The following KAT7 variants were observed in gnomAD, a reference collection of about 807,000 sequenced individuals.
KAT7 encodes histone acetyltransferase KAT7.
In KAT7, 10 loss-of-function variants were observed where a neutral mutation model predicts 82.1. That is an observed-to-expected ratio of 0.12 (90% CI 0.08 to 0.21). The LOEUF is 0.21. Ranked by LOEUF, KAT7 falls within the 10% of genes least tolerant of loss-of-function variation. The pLI is 1.00. For missense variants in KAT7, 378 were observed against 760.9 expected, an observed-to-expected ratio of 0.50 and a Z score of 5.92; for synonymous variants, 250 against 262.5, an observed-to-expected ratio of 0.95 and a Z score of 0.46.
intron 1 of KAT7, chr17:49,789,125 G>A (rs1240676489): frequency 1.5e-5 from 5 of 330,948 alleles, no homozygotes; most frequent in African/African-American, 6.4e-5. Flanking sequence ...TGATTGGCTG[G>A]TGACGCCGCC....
intron 5 of KAT7, 58 bp from the exon 6 acceptor site, chr17:49,809,061 T>C: frequency 2.2e-6 from 3 of 1,351,710 alleles, no homozygotes; most frequent in Non-Finnish European, 3.2e-6. Flanking sequence ...ATTCTTATGC[T>C]TTAAGTAAAC....
intron 9 of KAT7, among the ~76,000 whole-genome samples, chr17:49,818,993 T>TC (rs1277232324): frequency 6.6e-6 from 1 of 152,140 alleles, no homozygotes; most frequent in Admixed American, 6.5e-5. Context: ...CACCTCAGCT[T>TC]CCCAAAGTGC....
chr17:49,824,259 C>G (rs1165372328), intron 12 of KAT7, among the ~76,000 whole-genome samples: 1 of 152,186 alleles, frequency 6.6e-6, no homozygotes, highest in East Asian at 1.9e-4. Context: ...TAACAAGACT[C>G]TACTGTGTGT....
Position 49,798,483 on chromosome 17 carries a change from C to T in KAT7, c.505C>T (p.Arg169Cys). The stretch of plus-strand genomic sequence containing the variant: ...GGACTCAGGCAGTGATCTCTCTCAT[C>T]GCCCCAAGCGCCGTCGCTTCCATGA... Reference protein sequence around the residue: ...LKDSGSDLSHRPKRRRFHESY... With the variant: ...LKDSGSDLSHCPKRRRFHESY... Residue 169 changes from arginine (R) to cysteine (C), a missense_variant, in exon 4 of 15, where the codon CGC (arginine) becomes TGC (cysteine). Arg to Cys is a radical substitution (Grantham distance 180, BLOSUM62 -3). This residue lies in a region of KAT7 where 161 missense variants were observed against 229.6 expected (regional missense o/e 0.70). Coordinates refer to ENST00000259021, the MANE Select transcript of KAT7 (RefSeq NM_007067.5). 6.2e-7 allele frequency: 1 copy of T among 1,614,082 alleles called. No homozygotes were observed. Among genetic ancestry groups the T allele is most frequent in the Non-Finnish European group, 8.5e-7 (1 of 1,179,934 alleles).
Position 49,832,531 on chromosome 17 carries a change from G to A in KAT7, c.*5029G>A, listed in dbSNP as rs1385600220. The A allele has an allele frequency of 1.3e-5, 2 of 152,146 alleles. No individual in the cohort carries two copies. The highest frequency in any genetic ancestry group is 2.9e-5 in the Non-Finnish European group (2 of 68,028). 9.4% of individuals were successfully genotyped at this position (152,146 alleles called of 1,614,324 possible). A position where few individuals can be genotyped will look rare whatever the true frequency, so the allele number is the denominator to read the frequency against. The stretch of plus-strand genomic sequence containing the variant: ...TGTCTATAGTTGAGGAAATTGTGCC[G>A]TTGAAGTCCATTCTTGGACATGGAG... On this transcript the variant is annotated 3_prime_UTR_variant, in exon 15 of 15. Transcript: ENST00000259021.
intron 1 of KAT7, among the ~76,000 whole-genome samples, chr17:49,791,017 A>G (rs1324228539): frequency 6.6e-6 from 1 of 152,238 alleles, no homozygotes; most frequent in Non-Finnish European, 1.5e-5. Context: ...GATGGTTTTG[A>G]AAACAACTGT....
Position 49,832,585 on chromosome 17 carries a change from C to G in KAT7, c.*5083C>G, listed in dbSNP as rs1438186758. 1 of 152,126 alleles carries G rather than the reference C, an allele frequency of 6.6e-6. No individual in the cohort carries two copies. The allele number at this position is 152,126 out of a possible 1,614,324, so 9.4% of individuals were successfully genotyped here. The stretch of plus-strand genomic sequence containing the variant: ...AGAAACCCTGGTTTGAGAAAAAGCC[C>G]CAGTGAGACAGCAGGAATCCTTTTA... On this transcript the variant is annotated 3_prime_UTR_variant, in exon 15 of 15. Transcript: ENST00000259021.
intron 2 of KAT7, among the ~76,000 whole-genome samples, chr17:49,796,364 T>G (rs2073956151): frequency 6.6e-6 from 1 of 152,226 alleles, no homozygotes; most frequent in African/African-American, 2.4e-5. Context: ...GTTAAGTGCT[T>G]CACATGCATT....
chr17:49,791,264 G>C (rs1368139673), intron 1 of KAT7, among the ~76,000 whole-genome samples: 2 of 152,182 alleles, frequency 1.3e-5, no homozygotes, highest in African/African-American at 4.8e-5. Context: ...AGTTAAATGA[G>C]GTCCAGCACC....
chr17:49,829,719 T>C lies in KAT7; in HGVS notation c.*2217T>C, dbSNP rs1472787163. On this transcript the variant is annotated 3_prime_UTR_variant, in exon 15 of 15. Transcript: ENST00000259021. Reference sequence around the variant, plus strand: ...CCAGTAGTGGTGAGAACCCATACAGTTGAAGTTTTTTGCACAGTCCTGATC... The same window carrying C: ...CCAGTAGTGGTGAGAACCCATACAGCTGAAGTTTTTTGCACAGTCCTGATC... The C allele has an allele frequency of 2.6e-5, 4 of 152,102 alleles. No individual in the cohort carries two copies. Among genetic ancestry groups the C allele is most frequent in the African/African-American group, 7.2e-5 (3 of 41,424 alleles). The allele number at this position is 152,102 out of a possible 1,614,324, so 9.4% of individuals were successfully genotyped here. A position where few individuals can be genotyped will look rare whatever the true frequency, so the allele number is the denominator to read the frequency against.
At chr17:49,812,191 T>TA (rs200443593) in intron 7 of KAT7, among the ~76,000 whole-genome samples, 1,817 of 152,094 alleles carry the variant, frequency 0.012, 47 homozygotes, top group African/African-American at 0.042. Flanking sequence ...ATTACCTTCT[T>TA]ACTGTATGTA....
intron 4 of KAT7, among the ~76,000 whole-genome samples, chr17:49,801,417 C>T (rs1053836408): frequency 6.6e-6 from 1 of 152,046 alleles, no homozygotes; most frequent in African/African-American, 2.4e-5. Flanking sequence ...AACTCTTGGG[C>T]TCAAGTGAAA....
intron 2 of KAT7, among the ~76,000 whole-genome samples, chr17:49,795,189 A>G (rs2073940445): frequency 1.3e-5 from 2 of 152,168 alleles, no homozygotes; most frequent in Admixed American, 1.3e-4. Context: ...TGAGATATGG[A>G]TATGCTAATT....
intron 5 of KAT7, among the ~76,000 whole-genome samples, chr17:49,807,067 A>G (rs1598067130): frequency 6.6e-6 from 1 of 152,216 alleles, no homozygotes; most frequent in Non-Finnish European, 1.5e-5. Context: ...GTGATGTTAC[A>G]TTTGTATTCA....
At chr17:49,805,595 C>T (rs1326307869) in intron 5 of KAT7, 150 bp downstream of exon 5, 7 of 486,836 alleles carry the variant, frequency 1.4e-5, no homozygotes, top group Non-Finnish European at 2.5e-5. Flanking sequence ...AAACAATGTG[C>T]TTTTTTAGAA....
intron 9 of KAT7, among the ~76,000 whole-genome samples, chr17:49,818,371 G>C (rs554765714): frequency 6.6e-6 from 1 of 152,202 alleles, no homozygotes; most frequent in South Asian, 2.1e-4. Context: ...ATTAGGCACA[G>C]CAGAGACAGC....
At chr17:49,826,396 G>T (rs1157352550) in intron 13 of KAT7, 3 of 501,906 alleles carry the variant, frequency 6.0e-6, no homozygotes, top group African/African-American at 3.8e-5. Context: ...AGATCGTTTG[G>T]TTCATCTTTC....
At chr17:49,789,947 C>G (rs570086715) in intron 1 of KAT7, 1 of 152,206 alleles carries the variant, frequency 6.6e-6, no homozygotes, top group South Asian at 2.1e-4. Context: ...AGTCTCACGT[C>G]AAGGCTTTAA....
At chr17:49,808,453 CTTTT>C (rs528916586) in intron 5 of KAT7, among the ~76,000 whole-genome samples, 1 of 130,590 alleles carries the variant, frequency 7.7e-6, no homozygotes, top group South Asian at 2.5e-4. Context: ...TTCTTTCTTT[CTTTT>C]TTTTTTTTTT....
Sources: allele counts gnomAD v4.1 joint callset (sites outside exome capture counted in the v4.1 genomes callset), GRCh38; gene constraint gnomAD v4.1.1; regional missense constraint gnomAD v4.1.1; transcripts MANE v1.5; gene names NCBI Gene and HGNC (gene_info 2026-07-23, HGNC 2026-07-21).